RASA3: variants seen among roughly 807,000 people sequenced by gnomAD.
The protein encoded by RASA3 is RAS p21 protein activator 3.
RASA3 carries 73 observed loss-of-function variants against 110.0 expected under a neutral mutation model. That is an observed-to-expected ratio of 0.66 (90% CI 0.55 to 0.81). RASA3 has a LOEUF of 0.81. Among genes scored for constraint, RASA3 ranks in the 30% least tolerant of loss-of-function variants. The pLI, the probability that RASA3 is intolerant of heterozygous loss-of-function variation, is 0.00. For synonymous variants in RASA3, 500 were observed against 451.4 expected, an observed-to-expected ratio of 1.11 and a Z score of -1.37; for missense variants, 976 against 1,113.2, an observed-to-expected ratio of 0.88 and a Z score of 1.75.
intron 1 of RASA3, among the ~76,000 whole-genome samples, chr13:114,116,377 T>C (rs2139774192): frequency 6.6e-6 from 1 of 152,146 alleles, no homozygotes; most frequent in East Asian, 1.9e-4. Flanking sequence ...TGCTTTTTCA[T>C]AAACATGCCG....
chr13:114,042,078 G>A (rs1566517484), intron 3 of RASA3, among the ~76,000 whole-genome samples: 1 of 152,226 alleles, frequency 6.6e-6, no homozygotes, highest in Non-Finnish European at 1.5e-5. Context: ...CGTTTACCTA[G>A]TATGGATTTA....
At chr13:114,046,026 T>C (rs9590534) in intron 3 of RASA3, among the ~76,000 whole-genome samples, 3,855 of 152,338 alleles carry the variant, frequency 0.025, 170 homozygotes, top group African/African-American at 0.088. Context: ...TAGATCAATG[T>C]AATCCCAGTC....
chr13:114,013,053 TCGGCCCCCTA>T, intron 15 of RASA3, 79 bp downstream of exon 15: 1 of 1,063,352 alleles, frequency 9.4e-7, no homozygotes, highest in Non-Finnish European at 1.4e-6. Context: ...CTCCACACGG[TCGGCCCCCTA>T]CAGCCACGCA....
chr13:114,070,652 C>T (rs1053113948), intron 2 of RASA3, among the ~76,000 whole-genome samples: 17 of 150,578 alleles, frequency 1.1e-4, no homozygotes, highest in South Asian at 2.1e-4. Context: ...CCACGCTAAA[C>T]GGCTCCACAG....
intron 14 of RASA3, 82 bp downstream of exon 14, chr13:114,015,127 G>T: frequency 6.4e-7 from 1 of 1,556,460 alleles, no homozygotes. Flanking sequence ...CCAGGGCTGC[G>T]GGGGGTTCTG....
At chr13:114,120,860 G>A (rs946192584) in intron 1 of RASA3, among the ~76,000 whole-genome samples, 4 of 152,228 alleles carry the variant, frequency 2.6e-5, no homozygotes, top group Non-Finnish European at 4.4e-5. Context: ...ACCAATGTTT[G>A]TCCACCGTTT....
At chr13:114,110,587 G>A (rs776504967) in intron 1 of RASA3, among the ~76,000 whole-genome samples, 3 of 152,162 alleles carry the variant, frequency 2.0e-5, no homozygotes, top group Admixed American at 6.5e-5. Flanking sequence ...GTGGCCCAGC[G>A]TGAGCCGGCA....
At position 114,097,290 on chromosome 13, in the gene RASA3, C is replaced by T. The variant is rs556307764; in HGVS notation, c.56-23453G>A. The stretch of plus-strand genomic sequence containing the variant: ...AAAATACCCTGCAGATAAGGTCAGA[C>T]GGCAGGTGCCAGTGTGTCCTGAAAA... On this transcript the variant is annotated intron_variant, in intron 1 of 23. Transcript: ENST00000334062. Among the ~76,000 whole-genome samples, 34 of 152,358 alleles carry T rather than the reference C, an allele frequency of 2.2e-4. No individual in the cohort carries two copies. The South Asian group carries it at 3.7e-3, about 17-fold the overall frequency.
intron 2 of RASA3, among the ~76,000 whole-genome samples, chr13:114,060,682 G>T (rs1427349158): frequency 6.6e-6 from 1 of 152,208 alleles, no homozygotes; most frequent in East Asian, 1.9e-4. Flanking sequence ...CGGGCAGGAC[G>T]CAGCTGGAGC....
At chr13:114,024,660 G>C in intron 7 of RASA3, among the ~76,000 whole-genome samples, 1 of 152,356 alleles carries the variant, frequency 6.6e-6, no homozygotes, top group East Asian at 1.9e-4. Flanking sequence ...CTAAATGTCC[G>C]TCACCTGCGC....
intron 9 of RASA3, among the ~76,000 whole-genome samples, chr13:114,020,355 C>T (rs1043124898): frequency 6.6e-6 from 1 of 152,226 alleles, no homozygotes; most frequent in South Asian, 2.1e-4. Context: ...GGCATTAGCA[C>T]CCTGGGGCTC....
chr13:113,994,557 G>A (rs1388235604), intron 21 of RASA3, among the ~76,000 whole-genome samples: 1 of 73,514 alleles, frequency 1.4e-5, no homozygotes, highest in African/African-American at 1.0e-4. Context: ...AGCACTCTGG[G>A]AGGCCGAGGC....
chr13:114,087,707 G>A (rs1233460164), intron 1 of RASA3, among the ~76,000 whole-genome samples: 1 of 152,208 alleles, frequency 6.6e-6, no homozygotes, highest in Non-Finnish European at 1.5e-5. Flanking sequence ...CAGGGCGCCC[G>A]CCCGACACCA....
At chr13:113,980,355 T>C (rs777363347) in intron 23 of RASA3, among the ~76,000 whole-genome samples, 4 of 139,526 alleles carry the variant, frequency 2.9e-5, no homozygotes, top group Non-Finnish European at 4.6e-5. Context: ...CCTCCTGCCA[T>C]GTGTGTGCGC....
intron 18 of RASA3, among the ~76,000 whole-genome samples, chr13:114,002,663 G>A (rs551202137): frequency 7.9e-5 from 12 of 152,326 alleles, no homozygotes; most frequent in Middle Eastern, 3.4e-3. Context: ...GGCCTTCAGT[G>A]GATGAGGCTG....
rs377536300 is a variant in RASA3 at position 113,981,810 on chromosome 13, T to C, written c.2294A>G (p.Tyr765Cys). Residue 765 changes from tyrosine (Y) to cysteine (C), a missense_variant, in exon 23 of 24, where the codon TAT becomes TGT. By Grantham distance (194) the Tyr-to-Cys change is radical (BLOSUM62 -2). Transcript: ENST00000334062. Reference protein sequence around the residue: ...SVYDGPEQEEYSTFVIDDPQE... With the variant: ...SVYDGPEQEECSTFVIDDPQE... ...GGGGTCGTCAATGACGAACGTCGAA[T>C]ACTCCTCCTGCTCCGGGCCGTCATA... 6.2e-6 allele frequency: 10 copies of C among 1,613,878 alleles called. No individual in the cohort carries two copies. The highest frequency in any genetic ancestry group is 1.3e-5 in the African/African-American group (1 of 74,908).
intron 5 of RASA3, among the ~76,000 whole-genome samples, chr13:114,029,458 G>A (rs77546398): frequency 6.7e-5 from 1 of 14,928 alleles, no homozygotes. Flanking sequence ...CCTCTAAAAC[G>A]GCGTCATCCT....
chr13:114,078,277 T>G (rs1457041005), intron 1 of RASA3, among the ~76,000 whole-genome samples: 1 of 152,254 alleles, frequency 6.6e-6, no homozygotes, highest in Non-Finnish European at 1.5e-5. Flanking sequence ...TTCAGTTACC[T>G]TCACCAAAGG....
At chr13:114,127,082 G>T (rs961497623) in intron 1 of RASA3, among the ~76,000 whole-genome samples, 1 of 152,138 alleles carries the variant, frequency 6.6e-6, no homozygotes, top group African/African-American at 2.4e-5. Flanking sequence ...ACACACACAC[G>T]TCTATGTTTA....
Sources: allele counts gnomAD v4.1 joint callset (sites outside exome capture counted in the v4.1 genomes callset), GRCh38; gene constraint gnomAD v4.1.1; transcripts MANE v1.5; gene names NCBI Gene and HGNC (gene_info 2026-07-23, HGNC 2026-07-21).